Variants in KAZN observed in about 807,000 individuals in gnomAD.
KAZN encodes the protein kazrin, periplakin interacting protein, also known as kazrin.
KAZN carries 40 observed loss-of-function variants against 87.4 expected under a neutral mutation model. The observed-to-expected ratio is 0.46, with a 90% CI of 0.36 to 0.60. The LOEUF (loss-of-function observed/expected upper bound fraction) is 0.60, where lower values mean the gene tolerates loss of function less well. Ranked by LOEUF, KAZN falls within the 20% of genes least tolerant of loss-of-function variation. The pLI is 0.00. For synonymous variants in KAZN, 466 were observed against 458.3 expected (o/e 1.02, Z -0.22); for missense variants, 898 against 1,073.9 (o/e 0.84, Z 2.29).
chr1:14,046,760 G>A (rs1642092215), intron 1 of KAZN, among the ~76,000 whole-genome samples: 1 of 152,190 alleles, frequency 6.6e-6, no homozygotes, highest in African/African-American at 2.4e-5. Flanking sequence ...TATGATCAGG[G>A]TCCAGGGACT....
chr1:14,524,823 G>A (rs550337019), intron 2 of KAZN, among the ~76,000 whole-genome samples: 10 of 152,292 alleles, frequency 6.6e-5, no homozygotes, highest in African/African-American at 1.2e-4. Context: ...GCCTGATTTC[G>A]TGATGAGAAC....
At chr1:14,709,044 A>G (rs1164364061) in intron 1 of KAZN, among the ~76,000 whole-genome samples, 2 of 152,164 alleles carry the variant, frequency 1.3e-5, no homozygotes, top group Non-Finnish European at 2.9e-5. Flanking sequence ...CAATGAGGGC[A>G]GATACCACGG....
intron 2 of KAZN, among the ~76,000 whole-genome samples, chr1:14,530,875 A>C (rs1468130834): frequency 6.6e-6 from 1 of 152,144 alleles, no homozygotes; most frequent in Admixed American, 6.5e-5. Context: ...ACTTGAACCC[A>C]GGAATTTGAG....
At chr1:14,717,153 CA>C (rs1642836875) in intron 1 of KAZN, among the ~76,000 whole-genome samples, 1 of 151,070 alleles carries the variant, frequency 6.6e-6, no homozygotes, top group Non-Finnish European at 1.5e-5. Flanking sequence ...CAGCCTACAG[CA>C]TTATTGTCTC....
chr1:14,410,049 G>T (rs1427712844), intron 2 of KAZN, among the ~76,000 whole-genome samples: 1 of 152,138 alleles, frequency 6.6e-6, no homozygotes, highest in African/African-American at 2.4e-5. Context: ...AGAGTTAAAA[G>T]GCAAAAATCA....
chr1:14,988,767 C>T (rs542846271), intron 2 of KAZN, among the ~76,000 whole-genome samples: 256 of 152,264 alleles, frequency 1.7e-3, no homozygotes, highest in Non-Finnish European at 2.7e-3. Flanking sequence ...ATGTGCGGCT[C>T]AGCTGCAGGG....
At chr1:14,941,884 T>A (rs371465717) in intron 1 of KAZN, among the ~76,000 whole-genome samples, 5 of 152,128 alleles carry the variant, frequency 3.3e-5, no homozygotes, top group African/African-American at 1.2e-4. Context: ...AGAGAATAAC[T>A]AGAACCCGGC....
chr1:14,321,351 G>T (rs899918131), intron 2 of KAZN, among the ~76,000 whole-genome samples: 1 of 152,158 alleles, frequency 6.6e-6, no homozygotes, highest in African/African-American at 2.4e-5. Context: ...TGTTATCTGT[G>T]CTAAGAAGTC....
chr1:15,073,901 C>G lies in KAZN; in HGVS notation c.1222+8148C>G, dbSNP rs562250687. Among the ~76,000 whole-genome samples, 3 of 152,336 alleles carry G rather than the reference C, an allele frequency of 2.0e-5. No individual in the cohort carries two copies. The South Asian group carries it at 6.2e-4, about 32-fold the overall frequency. On this transcript the variant is annotated intron_variant, in intron 8 of 14. Transcript: ENST00000376030. The stretch of plus-strand genomic sequence containing the variant: ...AAGCTGCTGCACTCTGGGAAGTGGT[C>G]AGATGTGGAGCTGCTACAGAGGGGC...
At chr1:14,846,938 T>A (rs1240163109) in intron 1 of KAZN, among the ~76,000 whole-genome samples, 1 of 152,158 alleles carries the variant, frequency 6.6e-6, no homozygotes, top group African/African-American at 2.4e-5. Context: ...CCACAGCCCC[T>A]GGCAGGGAGC....
At chr1:14,033,196 G>A (rs941032829) in intron 1 of KAZN, among the ~76,000 whole-genome samples, 2 of 152,218 alleles carry the variant, frequency 1.3e-5, no homozygotes, top group Non-Finnish European at 2.9e-5. Context: ...CAAAGGAGAA[G>A]CCAGTGATGA....
At chr1:13,932,003 G>A (rs932624762) in intron 1 of KAZN, among the ~76,000 whole-genome samples, 7 of 130,052 alleles carry the variant, frequency 5.4e-5, no homozygotes, top group African/African-American at 1.5e-4. Context: ...TGCTAGGCTT[G>A]GCTAATTTTT....
At chr1:13,981,091 A>ATATATATATACATATATATATATATATG (rs1638652517) in intron 1 of KAZN, among the ~76,000 whole-genome samples, 1 of 107,678 alleles carries the variant, frequency 9.3e-6, no homozygotes, top group Non-Finnish European at 1.9e-5. Context: ...ATTACTCTTT[A>ATATATATATACATATATATATATATATG]TATATATATA....
At chr1:14,598,602 C>A (rs1397837034), upstream of KAZN, 3 of 1,038,628 alleles carry the variant, frequency 2.9e-6, no homozygotes, top group African/African-American at 5.1e-5. The surrounding 1 kb of genome is among the most constrained non-coding windows in gnomAD (Gnocchi z 4.2). Flanking sequence ...CAAGGGTGCC[C>A]CCAGCCTCCG....
At chr1:14,787,244 T>C (rs917272323) in intron 1 of KAZN, among the ~76,000 whole-genome samples, 9 of 152,242 alleles carry the variant, frequency 5.9e-5, no homozygotes, top group Non-Finnish European at 1.0e-4. Context: ...GGAAGTAATT[T>C]ACCTGTATTA....
At chr1:15,030,286 G>A (rs1233883951) in intron 2 of KAZN, among the ~76,000 whole-genome samples, 1 of 151,918 alleles carries the variant, frequency 6.6e-6, no homozygotes, top group Non-Finnish European at 1.5e-5. Context: ...TTTATTTTTT[G>A]AGACAGAGTC....
At chr1:14,545,596 T>G (rs911602432) in intron 2 of KAZN, among the ~76,000 whole-genome samples, 6 of 152,188 alleles carry the variant, frequency 3.9e-5, no homozygotes, top group African/African-American at 1.4e-4. Context: ...TGGTAAGAGC[T>G]TAATAAGCAT....
At chr1:14,010,131 T>A (rs1014323729) in intron 1 of KAZN, among the ~76,000 whole-genome samples, 15 of 152,136 alleles carry the variant, frequency 9.9e-5, no homozygotes, top group Non-Finnish European at 2.2e-4. Flanking sequence ...CTTTTTTTTT[T>A]ACTCATATTT....
At chr1:15,098,535 A>C (rs188515110) in intron 10 of KAZN, among the ~76,000 whole-genome samples, 1 of 152,346 alleles carries the variant, frequency 6.6e-6, no homozygotes, top group African/African-American at 2.4e-5. Context: ...TTTGCTGACC[A>C]AACTCTTGCT....
Sources: gnomAD v4.1 joint callset for allele counts (sites outside exome capture counted in the v4.1 genomes callset) on GRCh38, gnomAD v4.1.1 for gene constraint, Gnocchi (gnomAD v3.1) non-coding constraint, MANE v1.5 for transcripts, NCBI Gene and HGNC (gene_info 2026-07-23, HGNC 2026-07-21) for gene names.